The following MALRD1 variants were observed in gnomAD, a reference collection of about 807,000 sequenced individuals.
MALRD1 encodes the protein MAM and LDL-receptor class A domain-containing protein 1.
In MALRD1, 247 loss-of-function variants were observed where a neutral mutation model predicts 242.1. That is an observed-to-expected ratio of 1.02 (90% CI 0.92 to 1.13). The LOEUF (loss-of-function observed/expected upper bound fraction) is 1.13. Ranked by LOEUF, MALRD1 falls within the 50% of genes most tolerant of loss-of-function variation. The probability of loss-of-function intolerance (pLI) is 0.00; values close to 1 mark genes in which losing one functional copy is unlikely to be tolerated. For missense variants in MALRD1, 2,989 were observed against 2,533.1 expected (o/e 1.18, Z -3.86); for synonymous variants, 995 against 866.6 (o/e 1.15, Z -2.60).
intron 36 of MALRD1, among the ~76,000 whole-genome samples, chr10:19,638,726 C>T (rs1261764022): frequency 6.6e-6 from 1 of 152,144 alleles, no homozygotes; most frequent in East Asian, 1.9e-4. Flanking sequence ...TGTATTTTAG[C>T]CTTTGCCCTC....
At chr10:19,119,903 C>T (rs1041631218) in intron 5 of MALRD1, among the ~76,000 whole-genome samples, 3 of 152,110 alleles carry the variant, frequency 2.0e-5, no homozygotes, top group South Asian at 2.1e-4. Context: ...AAGATGGAGT[C>T]GATTAAATTA....
chr10:19,231,188 A>G (rs1838050484), intron 18 of MALRD1, among the ~76,000 whole-genome samples: 1 of 152,110 alleles, frequency 6.6e-6, no homozygotes, highest in African/African-American at 2.4e-5. Context: ...CTCCTGCCTC[A>G]ATTTAGGCCA....
chr10:19,386,262 C>T (rs1423779771), intron 26 of MALRD1, among the ~76,000 whole-genome samples: 2 of 152,056 alleles, frequency 1.3e-5, no homozygotes, highest in African/African-American at 4.8e-5. Flanking sequence ...ATAATAAATA[C>T]CTGAACTTCA....
chr10:19,648,134 A>G (rs1840727003), intron 36 of MALRD1, among the ~76,000 whole-genome samples: 1 of 152,220 alleles, frequency 6.6e-6, no homozygotes, highest in South Asian at 2.1e-4. Context: ...AAACTCCTCA[A>G]GGGTTACCAG....
intron 21 of MALRD1, among the ~76,000 whole-genome samples, chr10:19,302,400 A>G (rs748025043): frequency 1.3e-5 from 2 of 151,828 alleles, no homozygotes; most frequent in African/African-American, 2.4e-5. Context: ...CCATCATCCT[A>G]TGAATGGACA....
intron 31 of MALRD1, among the ~76,000 whole-genome samples, chr10:19,530,332 TATAA>T (rs1834298659): frequency 4.3e-5 from 2 of 46,118 alleles, no homozygotes; most frequent in Non-Finnish European, 1.2e-4. Context: ...TATATAAATA[TATAA>T]TATTTATATA....
At chr10:19,506,407 C>T (rs985307703) in intron 31 of MALRD1, among the ~76,000 whole-genome samples, 1 of 152,026 alleles carries the variant, frequency 6.6e-6, no homozygotes, top group African/African-American at 2.4e-5. Flanking sequence ...GTTTATTATC[C>T]AGCTATATGA....
intron 29 of MALRD1, among the ~76,000 whole-genome samples, chr10:19,463,100 T>G (rs1051400985): frequency 1.3e-5 from 2 of 152,182 alleles, no homozygotes; most frequent in African/African-American, 4.8e-5. Context: ...TATATATTTG[T>G]ATAGAGAACC....
chr10:19,188,546 T>A (rs1449333330), intron 14 of MALRD1, among the ~76,000 whole-genome samples: 1 of 50,070 alleles, frequency 2.0e-5, no homozygotes, highest in Non-Finnish European at 5.3e-5. Flanking sequence ...GTTTACACTG[T>A]GATCTTTTTT....
intron 28 of MALRD1, among the ~76,000 whole-genome samples, chr10:19,438,620 C>T (rs780182095): frequency 8.5e-5 from 13 of 152,176 alleles, no homozygotes; most frequent in African/African-American, 1.4e-4. Flanking sequence ...TTCTTACCAA[C>T]GTGCACAAGA....
chr10:19,282,676 C>T (rs1315071984), intron 20 of MALRD1, among the ~76,000 whole-genome samples: 2 of 152,150 alleles, frequency 1.3e-5, no homozygotes, highest in Non-Finnish European at 2.9e-5. Context: ...GAGAAAAGAA[C>T]AGACTTGTCA....
chr10:19,324,015 C>T lies in MALRD1; in HGVS notation c.3486C>T (p.Asp1162=), dbSNP rs1215157191. 6.4e-7 allele frequency: 1 copy of T among 1,550,826 alleles called. No individual in the cohort carries two copies. The highest frequency in any genetic ancestry group is 1.4e-5 in the African/African-American group (1 of 73,154). Residue 1162 remains aspartate, a synonymous_variant, in exon 22 of 40, where the codon GAC becomes GAT. Coordinates refer to ENST00000454679, the MANE Select transcript of MALRD1 (RefSeq NM_001142308.3). ...SSNGKFGDTA[D]ILTPIISLTG... ...ATGGGAAATTTGGTGACACGGCTGA[C>T]ATTCTCACTCCTATCATTTCACTCA...
chr10:19,316,996 A>G (rs540001379), intron 21 of MALRD1, among the ~76,000 whole-genome samples: 19 of 151,616 alleles, frequency 1.3e-4, no homozygotes, highest in African/African-American at 4.6e-4. Flanking sequence ...TTACGCATGC[A>G]TGCCTGTACC....
chr10:19,465,477 G>T (rs1236523823), intron 29 of MALRD1, among the ~76,000 whole-genome samples: 1 of 152,112 alleles, frequency 6.6e-6, no homozygotes, highest in Non-Finnish European at 1.5e-5. Flanking sequence ...TCTTAGGGCT[G>T]TTTCTTCACA....
At chr10:19,206,750 G>A (rs755426126) in intron 17 of MALRD1, among the ~76,000 whole-genome samples, 2 of 152,184 alleles carry the variant, frequency 1.3e-5, no homozygotes, top group Non-Finnish European at 2.9e-5. Flanking sequence ...TGGAAAGGTG[G>A]AGCTAGGCGT....
At chr10:19,347,570 G>A (rs948896696) in intron 24 of MALRD1, among the ~76,000 whole-genome samples, 3 of 152,124 alleles carry the variant, frequency 2.0e-5, no homozygotes, top group Admixed American at 2.0e-4. Context: ...CAGATTTGTA[G>A]AGAAATGAAC....
rs368900539 is a variant in MALRD1, at chr10:19,094,565, G to T, written c.597+6380G>T. Among the ~76,000 whole-genome samples, 25 of 151,826 alleles carry T rather than the reference G, an allele frequency of 1.6e-4. 1 individual carries two copies. The South Asian group carries it at 2.7e-3, about 16-fold the overall frequency. Reference sequence around the variant, plus strand: ...ATCACCCGTCTTCTGCGTCGCTCACGCTGGGAGCTGTAGACCGGAGCTGTT... The same window carrying T: ...ATCACCCGTCTTCTGCGTCGCTCACTCTGGGAGCTGTAGACCGGAGCTGTT... On this transcript the variant is annotated intron_variant, in intron 4 of 39. Transcript: ENST00000454679.
intron 28 of MALRD1, among the ~76,000 whole-genome samples, chr10:19,391,558 G>A (rs1054832567): frequency 1.1e-4 from 16 of 151,946 alleles, no homozygotes; most frequent in African/African-American, 2.9e-4. Context: ...ATACACATTC[G>A]CTCCCTCTGG....
intron 28 of MALRD1, among the ~76,000 whole-genome samples, chr10:19,424,959 C>T (rs548342324): frequency 6.4e-4 from 97 of 151,926 alleles, no homozygotes; most frequent in Admixed American, 1.6e-3. Flanking sequence ...AAAATAAAGG[C>T]AACAAAGGAG....
Sources: allele counts gnomAD v4.1 joint callset (sites outside exome capture counted in the v4.1 genomes callset), GRCh38; gene constraint gnomAD v4.1.1; transcripts MANE v1.5; gene names NCBI Gene and HGNC (gene_info 2026-07-23, HGNC 2026-07-21).